Variants in IL1R1 observed in about 807,000 individuals in gnomAD.
IL1R1 encodes the protein interleukin 1 receptor type 1.
In IL1R1, 22 loss-of-function variants were observed where a neutral mutation model predicts 50.2. The ratio of observed to expected loss-of-function variants is 0.44; its 90% CI spans 0.31 to 0.63. The LOEUF is 0.63. Ranked by LOEUF, IL1R1 falls within the 20% of genes least tolerant of loss-of-function variation. The pLI is 0.07. For missense variants in IL1R1, 509 were observed against 676.2 expected (o/e 0.75, Z 2.74); for synonymous variants, 251 against 236.7 (o/e 1.06, Z -0.55).
chr2:102,175,556 T>C lies in IL1R1; in HGVS notation c.1214T>C (p.Ile405Thr), dbSNP rs768673489. Residue 405 changes from isoleucine (I) to threonine (T), a missense_variant, in exon 11 of 12, where the codon ATT (isoleucine) becomes ACT (threonine). Ile to Thr is a moderately conservative substitution (Grantham distance 89). Coordinates refer to ENST00000410023, the MANE Select transcript of IL1R1 (RefSeq NM_000877.4). ...GAAGGGTCTACCTCTGACTGTGATA[T>C]TTTTGTGTTTAAAGTCTTGCCTGAG... ...VGEGSTSDCD[I>T]FVFKVLPEVL... 29 of 1,613,570 alleles carry C rather than the reference T, an allele frequency of 1.8e-5. No homozygotes were observed. In the South Asian group the frequency reaches 3.2e-4, roughly 18 times the overall value.
At chr2:102,142,227 C>T (rs1682703127), upstream of IL1R1, 1 of 152,110 alleles carries the variant, frequency 6.6e-6, no homozygotes, top group African/African-American at 2.4e-5. Context: ...TTTTCAACCA[C>T]TCCATGAGAT....
intron 1 of IL1R1, among the ~76,000 whole-genome samples, chr2:102,151,613 A>G (rs973307609): frequency 6.6e-6 from 1 of 152,160 alleles, no homozygotes; most frequent in African/African-American, 2.4e-5. Context: ...CTAGGGAGCT[A>G]CCCAATGTTA....
intron 1 of IL1R1, among the ~76,000 whole-genome samples, chr2:102,106,422 C>T (rs1680414345): frequency 1.3e-5 from 2 of 152,180 alleles, no homozygotes. Context: ...ATGGCCTTTC[C>T]TAACACTACA....
At chr2:102,099,980 G>C (rs972135533), upstream of IL1R1, among the ~76,000 whole-genome samples, 2 of 152,118 alleles carry the variant, frequency 1.3e-5, no homozygotes, top group African/African-American at 4.8e-5. Flanking sequence ...CTCCCAGAAT[G>C]TGGTAAGCTT....
At chr2:102,173,592 TA>T (rs1295220457) in intron 9 of IL1R1, among the ~76,000 whole-genome samples, 1 of 152,152 alleles carries the variant, frequency 6.6e-6, no homozygotes, top group Non-Finnish European at 1.5e-5. Context: ...TGAGATAAAT[TA>T]GAGAAGAACT....
intron 2 of IL1R1, among the ~76,000 whole-genome samples, chr2:102,156,821 T>G (rs1684239305): frequency 6.6e-6 from 1 of 152,210 alleles, no homozygotes; most frequent in Non-Finnish European, 1.5e-5. Flanking sequence ...CCATAATACA[T>G]CTTAAATAGA....
At chr2:102,091,654 C>G (rs1679671664) in intron 1 of IL1R1, among the ~76,000 whole-genome samples, 1 of 152,146 alleles carries the variant, frequency 6.6e-6, no homozygotes, top group Non-Finnish European at 1.5e-5. Context: ...CTTGTAACTA[C>G]TTTGAAATAG....
chr2:102,087,947 T>C (rs1679499187), intron 1 of IL1R1, among the ~76,000 whole-genome samples: 1 of 152,228 alleles, frequency 6.6e-6, no homozygotes, highest in Non-Finnish European at 1.5e-5. Flanking sequence ...TCCTCATTCA[T>C]CCAAATTTGG....
chr2:102,128,234 C>G (rs1681834580), intron 1 of IL1R1, among the ~76,000 whole-genome samples: 1 of 152,176 alleles, frequency 6.6e-6, no homozygotes, highest in South Asian at 2.1e-4. Flanking sequence ...CGAAAACTCC[C>G]TATTCCAAAA....
intron 3 of IL1R1, among the ~76,000 whole-genome samples, chr2:102,164,016 C>A (rs1684953119): frequency 6.6e-6 from 1 of 152,162 alleles, no homozygotes. Context: ...GGCTTTCCAC[C>A]CTGGCTGTTG....
chr2:102,111,738 A>T (rs1039522619), intron 1 of IL1R1, among the ~76,000 whole-genome samples: 1 of 152,192 alleles, frequency 6.6e-6, no homozygotes, highest in East Asian at 1.9e-4. Flanking sequence ...GAACACGGGT[A>T]ACTCTGCCCC....
chr2:102,155,675 C>T (rs1577984481), intron 2 of IL1R1, among the ~76,000 whole-genome samples: 1 of 152,142 alleles, frequency 6.6e-6, no homozygotes, highest in Non-Finnish European at 1.5e-5. Context: ...CACTCCCACC[C>T]CCCTGACTGT....
chr2:102,130,499 G>A (rs1257286759), intron 1 of IL1R1, among the ~76,000 whole-genome samples: 2 of 151,972 alleles, frequency 1.3e-5, no homozygotes, highest in Non-Finnish European at 2.9e-5. Flanking sequence ...CACTCTTGGT[G>A]GCACAAGCTT....
intron 1 of IL1R1, among the ~76,000 whole-genome samples, chr2:102,145,366 G>A (rs933403760): frequency 2.0e-5 from 3 of 152,146 alleles, no homozygotes; most frequent in Admixed American, 6.5e-5. Flanking sequence ...TGCTGCTGGA[G>A]CCTCCCGGCC....
upstream of IL1R1, among the ~76,000 whole-genome samples, chr2:102,101,775 T>C (rs1680154322): frequency 6.6e-6 from 1 of 152,234 alleles, no homozygotes; most frequent in Non-Finnish European, 1.5e-5. Context: ...TGACGTCTTC[T>C]GATAGTTTAA....
rs980133137 is a variant in IL1R1, at chr2:102,135,044, AT to A, written c.-83-18888del. Among the ~76,000 whole-genome samples, 27 of 151,578 alleles carry A rather than the reference AT, an allele frequency of 1.8e-4. No individual in the cohort carries two copies. The East Asian group carries it at 3.1e-3, about 17-fold the overall frequency. On this transcript the variant is annotated intron_variant, in intron 1 of 10. Transcript: ENST00000409329. ...GGAACAAGGCAGAGGACCATAACTC[AT>A]TTTTTTTTCTTGGAGAATAAACAAA...
intron 1 of IL1R1, among the ~76,000 whole-genome samples, chr2:102,144,560 A>G (rs1682951750): frequency 6.6e-6 from 1 of 152,190 alleles, no homozygotes; most frequent in Non-Finnish European, 1.5e-5. Flanking sequence ...AATTTATTAA[A>G]GATTTATTGA....
intron 8 of IL1R1, chr2:102,172,142 A>T (rs1199514863): frequency 7.7e-6 from 3 of 388,106 alleles, no homozygotes; most frequent in Non-Finnish European, 7.0e-6. Context: ...ACCACTTAGA[A>T]GCCTTTCTCT....
At chr2:102,138,311 G>C (rs1278146805), upstream of IL1R1, among the ~76,000 whole-genome samples, 1 of 152,204 alleles carries the variant, frequency 6.6e-6, no homozygotes, top group African/African-American at 2.4e-5. Context: ...GGAAAAACCA[G>C]GTGCAAGAAG....
Sources: gnomAD v4.1 joint callset for allele counts (sites outside exome capture counted in the v4.1 genomes callset) on GRCh38, gnomAD v4.1.1 for gene constraint, MANE v1.5 for transcripts, NCBI Gene and HGNC (gene_info 2026-07-23, HGNC 2026-07-21) for gene names.